MDGA2: variants seen among roughly 807,000 people sequenced by gnomAD.
MDGA2 encodes MAM domain containing glycosylphosphatidylinositol anchor 2.
MDGA2 carries 40 observed loss-of-function variants against 117.8 expected under a neutral mutation model. The ratio of observed to expected loss-of-function variants is 0.34; its 90% CI spans 0.26 to 0.44. The LOEUF is 0.44. MDGA2 is among the 20% of genes least tolerant of loss of function. MDGA2 has a pLI of 1.00. For synonymous variants in MDGA2, 452 were observed against 439.0 expected (o/e 1.03, Z -0.37); for missense variants, 1,123 against 1,250.6 (o/e 0.90, Z 1.54).
rs531942292 is a variant in MDGA2 at position 47,401,053 on chromosome 14, G to A, written c.281-99503C>T. Among the ~76,000 whole-genome samples, 66 of 151,524 alleles carry A rather than the reference G, an allele frequency of 4.4e-4. No homozygotes were observed. The South Asian group carries it at 8.6e-3, about 20-fold the overall frequency. ...ATTACAGGCGTGAGCCACCGTGCCCGGCCGGCATTTTTTTTTTCTTTATGT... is the reference window on the plus strand; with the variant it reads ...ATTACAGGCGTGAGCCACCGTGCCCAGCCGGCATTTTTTTTTTCTTTATGT... On this transcript the variant is annotated intron_variant, in intron 1 of 16. Coordinates refer to ENST00000399232, the MANE Select transcript of MDGA2 (RefSeq NM_001113498.3).
intron 1 of MDGA2, among the ~76,000 whole-genome samples, chr14:47,347,107 G>C (rs971438931): frequency 2.0e-5 from 3 of 152,140 alleles, no homozygotes; most frequent in Admixed American, 6.6e-5. Flanking sequence ...ATGATCAGAC[G>C]TAAGTAGGGG....
At chr14:47,100,900 G>T (rs998309943) in intron 5 of MDGA2, among the ~76,000 whole-genome samples, 2 of 152,040 alleles carry the variant, frequency 1.3e-5, no homozygotes, top group East Asian at 1.9e-4. Context: ...GCTTAAAAAT[G>T]ACTATGGTGC....
At chr14:47,394,973 G>C (rs1891975521) in intron 1 of MDGA2, among the ~76,000 whole-genome samples, 1 of 152,048 alleles carries the variant, frequency 6.6e-6, no homozygotes, top group African/African-American at 2.4e-5. Flanking sequence ...TCAACATAGT[G>C]AGACCCCCGT....
chr14:47,527,062 C>G (rs956203111), intron 1 of MDGA2, among the ~76,000 whole-genome samples: 2 of 152,132 alleles, frequency 1.3e-5, no homozygotes, highest in African/African-American at 2.4e-5. Flanking sequence ...ACTGAACAAC[C>G]TACAAAGGTG....
chr14:47,152,802 AGATGATGCCTGAAAT>A (rs1883213624), intron 3 of MDGA2, among the ~76,000 whole-genome samples: 1 of 152,248 alleles, frequency 6.6e-6, no homozygotes, highest in East Asian at 1.9e-4. Context: ...CTACCTGAAA[AGATGATGCCTGAAAT>A]AAATCCTAAA....
chr14:47,075,345 T>C (rs1890452580), intron 6 of MDGA2, among the ~76,000 whole-genome samples: 1 of 152,198 alleles, frequency 6.6e-6, no homozygotes, highest in African/African-American at 2.4e-5. Flanking sequence ...CAAAGTAAGT[T>C]GTCACAGCAC....
chr14:47,025,592 A>G (rs1888442339), intron 8 of MDGA2, among the ~76,000 whole-genome samples: 1 of 151,886 alleles, frequency 6.6e-6, no homozygotes, highest in Admixed American at 6.6e-5. Flanking sequence ...ATGTCTGGAG[A>G]CAGTTTTTAT....
At chr14:47,372,967 T>C (rs1221658694) in intron 1 of MDGA2, among the ~76,000 whole-genome samples, 1 of 151,984 alleles carries the variant, frequency 6.6e-6, no homozygotes, top group African/African-American at 2.4e-5. Context: ...AAAAAAAATT[T>C]GTATTGTAGA....
intron 1 of MDGA2, among the ~76,000 whole-genome samples, chr14:47,474,008 G>C (rs1594875406): frequency 6.6e-6 from 1 of 152,100 alleles, no homozygotes; most frequent in South Asian, 2.1e-4. Flanking sequence ...AATAAATAAA[G>C]GGTATTCAAA....
intron 1 of MDGA2, among the ~76,000 whole-genome samples, chr14:47,318,568 T>C (rs1459821736): frequency 1.3e-5 from 2 of 152,128 alleles, no homozygotes; most frequent in African/African-American, 4.8e-5. Flanking sequence ...ATATCTGTGA[T>C]TGTTAAAGTC....
chr14:46,976,544 C>A (rs577302145), intron 8 of MDGA2, among the ~76,000 whole-genome samples: 9 of 151,798 alleles, frequency 5.9e-5, no homozygotes. Flanking sequence ...TTTTATTTTA[C>A]ATTATCTAGC....
chr14:47,187,293 G>T (rs1028462279), intron 3 of MDGA2, among the ~76,000 whole-genome samples: 9 of 152,024 alleles, frequency 5.9e-5, no homozygotes, highest in Non-Finnish European at 8.8e-5. Flanking sequence ...GATAGGCTTG[G>T]AATTAGTAAT....
intron 10 of MDGA2, among the ~76,000 whole-genome samples, chr14:46,919,037 C>A (rs1045619619): frequency 7.6e-4 from 116 of 152,298 alleles, no homozygotes; most frequent in African/African-American, 2.6e-3. Context: ...GCTGGGATTA[C>A]AGGCGTGAGC....
At chr14:47,485,914 G>A (rs1041030197) in intron 1 of MDGA2, among the ~76,000 whole-genome samples, 1 of 152,178 alleles carries the variant, frequency 6.6e-6, no homozygotes, top group African/African-American at 2.4e-5. Context: ...TTTGCTGCAG[G>A]GGCAGGGAGG....
chr14:47,540,540 G>GTGTGTGTGTGTGTATATATATATA, intron 1 of MDGA2, among the ~76,000 whole-genome samples: 91 of 79,172 alleles, frequency 1.1e-3, no homozygotes, highest in African/African-American at 1.5e-3. Flanking sequence ...GTGTGTGTGT[G>GTGTGTGTGTGTGTATATATATATA]TATATATATA....
chr14:46,891,378 T>C (rs769538033), intron 10 of MDGA2, among the ~76,000 whole-genome samples: 1 of 151,672 alleles, frequency 6.6e-6, no homozygotes, highest in Non-Finnish European at 1.5e-5. Context: ...ACATACAGAA[T>C]AAATAATGTT....
chr14:46,956,382 A>G (rs1885562063), intron 9 of MDGA2, among the ~76,000 whole-genome samples: 1 of 152,092 alleles, frequency 6.6e-6, no homozygotes. Context: ...AAATAATTAC[A>G]TAAGACATAA....
chr14:47,418,274 T>C (rs1015623331), intron 1 of MDGA2, among the ~76,000 whole-genome samples: 13 of 151,966 alleles, frequency 8.6e-5, no homozygotes, highest in African/African-American at 2.9e-4. Context: ...TTGGTGCACA[T>C]GGGGTTTCAC....
intron 1 of MDGA2, among the ~76,000 whole-genome samples, chr14:47,522,519 C>G (rs1293069865): frequency 6.6e-6 from 1 of 151,990 alleles, no homozygotes; most frequent in African/African-American, 2.4e-5. Flanking sequence ...CAGAGAATGT[C>G]TGAAACTGTA....
Sources: allele counts gnomAD v4.1 joint callset (sites outside exome capture counted in the v4.1 genomes callset), GRCh38; gene constraint gnomAD v4.1.1; transcripts MANE v1.5; gene names NCBI Gene and HGNC (gene_info 2026-07-23, HGNC 2026-07-21).